The following RFX6 variants were observed in gnomAD, a reference collection of about 807,000 sequenced individuals.
RFX6 encodes the protein DNA-binding protein RFX6.
In RFX6, 50 loss-of-function variants were observed where a neutral mutation model predicts 110.8. The observed-to-expected ratio is 0.45, with a 90% CI of 0.36 to 0.57. The LOEUF is 0.57. RFX6 is among the 20% of genes least tolerant of loss of function. RFX6 has a pLI of 0.00. For missense variants in RFX6, 990 were observed against 1,127.0 expected, an observed-to-expected ratio of 0.88 and a Z score of 1.74; for synonymous variants, 383 against 411.2, an observed-to-expected ratio of 0.93 and a Z score of 0.83.
chr6:116,880,825 T>C (rs1156747360), intron 3 of RFX6, among the ~76,000 whole-genome samples, 158 bp downstream of exon 3: 2 of 151,888 alleles, frequency 1.3e-5, no homozygotes, highest in African/African-American at 4.8e-5. Context: ...AATTGCTATA[T>C]GTTTATAACT....
At chr6:116,906,382 A>T (rs1775202519) in intron 6 of RFX6, among the ~76,000 whole-genome samples, 1 of 152,004 alleles carries the variant, frequency 6.6e-6, no homozygotes, top group Non-Finnish European at 1.5e-5. Flanking sequence ...TTTAGGATGG[A>T]TTTTTCTTTT....
At position 116,894,056 on chromosome 6, in the gene RFX6, C is replaced by T; in HGVS notation, c.636C>T (p.Gly212=). 1 of 1,570,854 alleles carries T rather than the reference C, an allele frequency of 6.4e-7. No homozygotes were observed. The highest frequency in any genetic ancestry group is 1.1e-5 in the South Asian group (1 of 90,192). Residue 212 remains glycine (G), a synonymous_variant, in exon 5 of 19, where the codon GGC becomes GGT. Coordinates refer to ENST00000332958, the MANE Select transcript of RFX6 (RefSeq NM_173560.4). ...ACCACTCCGTTTATTCTGGAAAGGGCTTGACAAGGTAGAGTTACACCATCT... is the reference window on the plus strand; with the variant it reads ...ACCACTCCGTTTATTCTGGAAAGGGTTTGACAAGGTAGAGTTACACCATCT... ...AYYHSVYSGK[G]LTRFSGSKLK...
chr6:116,889,298 C>T (rs931448893), intron 4 of RFX6, among the ~76,000 whole-genome samples: 4 of 152,112 alleles, frequency 2.6e-5, no homozygotes, highest in Non-Finnish European at 4.4e-5. Flanking sequence ...TAGAAGAACA[C>T]ATTGATTTAA....
intron 6 of RFX6, among the ~76,000 whole-genome samples, chr6:116,909,735 C>CG (rs1775291106): frequency 3.0e-5 from 2 of 67,362 alleles, no homozygotes; most frequent in Non-Finnish European, 5.6e-5. Flanking sequence ...TCATTTAAAT[C>CG]TTTTTTTTTT....
chr6:116,916,304 T>A lies in RFX6; in HGVS notation c.962T>A (p.Ile321Asn). Residue 321 changes from isoleucine to asparagine, a missense_variant, in exon 9 of 19, where the codon ATT becomes AAT. By Grantham distance (149) the Ile-to-Asn change is moderately radical. Coordinates refer to ENST00000332958, the MANE Select transcript of RFX6 (RefSeq NM_173560.4). ...GATATTTTCTGTGTTTGTGACTCAA[T>A]TCTTTATAAGGTAAGCACTTTGGGA... ...IIDIFCVCDS[I>N]LYKVLTDVLI... The A allele has an allele frequency of 2.5e-6, 4 of 1,599,240 alleles. No individual in the cohort carries two copies. The highest frequency in any genetic ancestry group is 3.4e-6 in the Non-Finnish European group (4 of 1,166,992).
At chr6:116,878,016 G>C in intron 2 of RFX6, 64 bp downstream of exon 2, 2 of 1,500,478 alleles carry the variant, frequency 1.3e-6, no homozygotes, top group Non-Finnish European at 1.9e-6. Flanking sequence ...GCGTCTTCAG[G>C]ATCTTTGATT....
intron 6 of RFX6, among the ~76,000 whole-genome samples, chr6:116,904,414 A>C (rs1048376986): frequency 6.6e-6 from 1 of 152,068 alleles, no homozygotes; most frequent in Non-Finnish European, 1.5e-5. Flanking sequence ...ATATTCCAAG[A>C]TTATAACAAT....
intron 11 of RFX6, 131 bp downstream of exon 11, chr6:116,919,427 C>T (rs144004030): frequency 0.013 from 10,935 of 827,752 alleles, 192 homozygotes; most frequent in Admixed American, 0.047. Context: ...AACGTGAGAC[C>T]CAGAAGTGAA....
chr6:116,901,690 A>G (rs531441108), intron 6 of RFX6, among the ~76,000 whole-genome samples: 33 of 152,306 alleles, frequency 2.2e-4, no homozygotes, highest in African/African-American at 7.5e-4. Context: ...TAAAACCCTA[A>G]TGTGTGATTG....
chr6:116,898,155 T>C (rs899802264), intron 6 of RFX6, among the ~76,000 whole-genome samples: 5 of 152,016 alleles, frequency 3.3e-5, no homozygotes, highest in Admixed American at 2.0e-4. Context: ...GTCATCAAGA[T>C]AAGGAGTGGA....
intron 4 of RFX6, among the ~76,000 whole-genome samples, chr6:116,888,650 T>TA (rs1774752695): frequency 6.6e-6 from 1 of 152,188 alleles, no homozygotes; most frequent in Non-Finnish European, 1.5e-5. Context: ...ACCTACAGGA[T>TA]AAGCATCAGG....
At chr6:116,896,598 A>C (rs1455874547) in intron 6 of RFX6, among the ~76,000 whole-genome samples, 1 of 5,198 alleles carries the variant, frequency 1.9e-4, no homozygotes, top group Non-Finnish European at 3.8e-4. Flanking sequence ...CCAGCTACTC[A>C]AGGAGGCTGA....
intron 6 of RFX6, among the ~76,000 whole-genome samples, chr6:116,903,847 T>G (rs1290057080): frequency 6.6e-6 from 1 of 152,068 alleles, no homozygotes; most frequent in Non-Finnish European, 1.5e-5. Context: ...TTCATTCCAT[T>G]GTGGATGGGA....
intron 6 of RFX6, among the ~76,000 whole-genome samples, chr6:116,897,629 T>C (rs911335444): frequency 1.3e-5 from 2 of 152,118 alleles, no homozygotes; most frequent in Non-Finnish European, 2.9e-5. Context: ...GACCATGACA[T>C]GGAGAATACA....
chr6:116,891,860 C>T (rs1173158916), intron 4 of RFX6, among the ~76,000 whole-genome samples: 1 of 152,028 alleles, frequency 6.6e-6, no homozygotes, highest in African/African-American at 2.4e-5. Flanking sequence ...TTTGAAGTTT[C>T]CATTAAGTTT....
intron 4 of RFX6, among the ~76,000 whole-genome samples, chr6:116,883,014 T>C (rs530154875): frequency 3.7e-4 from 57 of 152,154 alleles, no homozygotes; most frequent in Non-Finnish European, 3.2e-4. Context: ...CAGTTTCTCA[T>C]TCAACAGCTA....
intron 12 of RFX6, 24 bp from the exon 13 acceptor site, chr6:116,922,018 C>CTT (rs77230084): frequency 0.01 from 8,807 of 877,620 alleles, 40 homozygotes; most frequent in Admixed American, 0.037. Flanking sequence ...TCTTTTCTTT[C>CTT]TTTTTTTTTT....
At chr6:116,900,190 T>G (rs1775035949) in intron 6 of RFX6, among the ~76,000 whole-genome samples, 1 of 152,242 alleles carries the variant, frequency 6.6e-6, no homozygotes, top group Non-Finnish European at 1.5e-5. Context: ...TTGGAAGATC[T>G]GCACCAAGTC....
At chr6:116,902,742 T>A (rs926088303) in intron 6 of RFX6, among the ~76,000 whole-genome samples, 22 of 152,038 alleles carry the variant, frequency 1.4e-4, no homozygotes, top group Non-Finnish European at 2.4e-4. Context: ...CTCCTTAACA[T>A]CAACCGTTCA....
Sources: gnomAD v4.1 joint callset for allele counts (sites outside exome capture counted in the v4.1 genomes callset) on GRCh38, gnomAD v4.1.1 for gene constraint, MANE v1.5 for transcripts, NCBI Gene and HGNC (gene_info 2026-07-23, HGNC 2026-07-21) for gene names.